The following RBFOX1 variants were observed in gnomAD, a reference collection of about 807,000 sequenced individuals.
The protein encoded by RBFOX1 is RNA binding protein fox-1 homolog 1.
Under a neutral mutation model 57.7 loss-of-function variants are expected in RBFOX1, and 8 were observed. The ratio of observed to expected loss-of-function variants is 0.14; its 90% CI spans 0.08 to 0.25. The LOEUF is 0.25. RBFOX1 is among the 10% of genes least tolerant of loss of function. The pLI is 1.00. For missense variants in RBFOX1, 611 were observed against 548.5 expected, an observed-to-expected ratio of 1.11 and a Z score of -1.14; for synonymous variants, 326 against 222.4, an observed-to-expected ratio of 1.47 and a Z score of -4.15.
intron 3 of RBFOX1, among the ~76,000 whole-genome samples, chr16:6,661,052 G>A (rs1023971253): frequency 5.9e-5 from 9 of 152,190 alleles, no homozygotes; most frequent in Non-Finnish European, 8.8e-5. Flanking sequence ...CGACCTGGAA[G>A]GTGATACCTT....
intron 2 of RBFOX1, among the ~76,000 whole-genome samples, chr16:5,544,135 C>T (rs2045085070): frequency 6.6e-6 from 1 of 152,138 alleles, no homozygotes; most frequent in Non-Finnish European, 1.5e-5. Flanking sequence ...GCACCCAGAG[C>T]ATTTACCCAA....
chr16:6,369,304 C>T (rs950654062), intron 2 of RBFOX1, among the ~76,000 whole-genome samples: 2 of 151,972 alleles, frequency 1.3e-5, no homozygotes, highest in African/African-American at 4.8e-5. Context: ...TTGAATTATT[C>T]CTTAGATGTA....
intron 4 of RBFOX1, among the ~76,000 whole-genome samples, chr16:5,894,947 C>T (rs1004186235): frequency 7.2e-5 from 11 of 152,000 alleles, no homozygotes; most frequent in South Asian, 2.1e-4. Flanking sequence ...GGCATGAACC[C>T]GGGAGGCAGA....
chr16:6,752,606 TA>T, intron 3 of RBFOX1, among the ~76,000 whole-genome samples: 1 of 152,234 alleles, frequency 6.6e-6, no homozygotes, highest in East Asian at 1.9e-4. Context: ...TTAAGCTTTT[TA>T]TTATGGCATC....
chr16:5,510,704 C>T (rs140090743), intron 2 of RBFOX1, among the ~76,000 whole-genome samples: 269 of 152,200 alleles, frequency 1.8e-3, no homozygotes, highest in African/African-American at 6.3e-3. Context: ...CTCTTGGAAC[C>T]AAGCTTGGTA....
chr16:7,543,686 TG>T (rs2083588929), intron 5 of RBFOX1, among the ~76,000 whole-genome samples: 1 of 88,542 alleles, frequency 1.1e-5, no homozygotes, highest in Admixed American at 1.0e-4. Context: ...TGTGTGTGTG[TG>T]TGTGTGTGTG....
intron 3 of RBFOX1, among the ~76,000 whole-genome samples, chr16:6,989,094 G>A (rs996841894): frequency 3.3e-5 from 5 of 151,910 alleles, no homozygotes; most frequent in African/African-American, 7.3e-5. Context: ...ACGGGATTTC[G>A]CCATGTTGGG....
At chr16:6,867,129 G>A (rs965152425) in intron 3 of RBFOX1, among the ~76,000 whole-genome samples, 1 of 152,128 alleles carries the variant, frequency 6.6e-6, no homozygotes, top group African/African-American at 2.4e-5. Flanking sequence ...AAGCAGTCAG[G>A]TTTTAGCTTG....
chr16:7,108,860 A>T (rs1166197147), intron 4 of RBFOX1, among the ~76,000 whole-genome samples: 2 of 152,196 alleles, frequency 1.3e-5, no homozygotes, highest in Non-Finnish European at 1.5e-5. Flanking sequence ...GTCATGATAT[A>T]TATTTATGGT....
chr16:7,585,953 A>C (rs1373806668), intron 6 of RBFOX1, among the ~76,000 whole-genome samples: 1 of 152,042 alleles, frequency 6.6e-6, no homozygotes, highest in Non-Finnish European at 1.5e-5. Flanking sequence ...GCTGCCACAC[A>C]GAAGCACGCG....
chr16:6,897,866 G>C (rs1292609869), intron 3 of RBFOX1, among the ~76,000 whole-genome samples: 2 of 152,222 alleles, frequency 1.3e-5, no homozygotes, highest in African/African-American at 4.8e-5. Context: ...TCATCCATCT[G>C]TCCCTTCATA....
At chr16:5,827,402 G>GAAAAAAAA (rs374545272) in intron 3 of RBFOX1, among the ~76,000 whole-genome samples, 16 of 100,458 alleles carry the variant, frequency 1.6e-4, no homozygotes, top group Non-Finnish European at 2.4e-4. Context: ...TCCATCTCAG[G>GAAAAAAAA]GAAAAAAAAA....
At chr16:7,295,983 C>G (rs1227006824) in intron 4 of RBFOX1, among the ~76,000 whole-genome samples, 1 of 152,040 alleles carries the variant, frequency 6.6e-6, no homozygotes, top group Non-Finnish European at 1.5e-5. Flanking sequence ...GTTATTCAAG[C>G]CTAAAGAGTG....
At chr16:5,846,343 A>G (rs996775939) in intron 3 of RBFOX1, among the ~76,000 whole-genome samples, 1 of 152,182 alleles carries the variant, frequency 6.6e-6, no homozygotes, top group African/African-American at 2.4e-5. Context: ...TTCTTAACAC[A>G]GTGGGAAAGA....
chr16:6,922,007 C>T (rs867271598), intron 3 of RBFOX1, among the ~76,000 whole-genome samples: 1 of 152,118 alleles, frequency 6.6e-6, no homozygotes, highest in Non-Finnish European at 1.5e-5. Flanking sequence ...ATGCCTAACA[C>T]CTTGTGGCTA....
At chr16:6,618,539 C>T (rs941603268) in intron 2 of RBFOX1, among the ~76,000 whole-genome samples, 1 of 152,148 alleles carries the variant, frequency 6.6e-6, no homozygotes, top group Non-Finnish European at 1.5e-5. Flanking sequence ...TTATAATCCT[C>T]ATAAAAGTCT....
chr16:5,600,326 A>C (rs12933177), downstream of RBFOX1, among the ~76,000 whole-genome samples: 2 of 151,088 alleles, frequency 1.3e-5, no homozygotes, highest in African/African-American at 4.9e-5. Context: ...TAAAAAAAAA[A>C]CAAAACCAAA....
intron 2 of RBFOX1, among the ~76,000 whole-genome samples, chr16:6,479,188 G>A (rs569511705): frequency 5.3e-5 from 8 of 152,272 alleles, no homozygotes; most frequent in South Asian, 2.1e-4. Context: ...CTGAGACTGC[G>A]TAGTTTATAA....
intron 4 of RBFOX1, among the ~76,000 whole-genome samples, chr16:7,210,924 AT>A (rs140545393): frequency 0.02 from 3,104 of 152,166 alleles, 85 homozygotes; most frequent in African/African-American, 0.066. Context: ...AGAAAAAAAA[AT>A]TTCAAGAATA....
Sources: gnomAD v4.1 joint callset for allele counts (sites outside exome capture counted in the v4.1 genomes callset) on GRCh38, gnomAD v4.1.1 for gene constraint, MANE v1.5 for transcripts, NCBI Gene and HGNC (gene_info 2026-07-23, HGNC 2026-07-21) for gene names.